Variants in PYM1 observed in about 807,000 individuals in gnomAD.
The protein encoded by PYM1 is partner of Y14 and mago.
A neutral mutation model predicts 20.7 loss-of-function variants in PYM1; 7 were observed. The ratio of observed to expected loss-of-function variants is 0.34; its 90% CI spans 0.19 to 0.64. The LOEUF (loss-of-function observed/expected upper bound fraction) is 0.64, where lower values mean the gene tolerates loss of function less well. Ranked by LOEUF, PYM1 falls within the 30% of genes least tolerant of loss-of-function variation. The pLI, the probability that PYM1 is intolerant of heterozygous loss-of-function variation, is 0.74. For missense variants in PYM1, 194 were observed against 250.0 expected (o/e 0.78, Z 1.51); for synonymous variants, 100 against 99.2 (o/e 1.01, Z -0.05).
At chr12:55,912,883 G>A (rs999780677) in intron 1 of PYM1, among the ~76,000 whole-genome samples, 2 of 150,796 alleles carry the variant, frequency 1.3e-5, no homozygotes, top group Non-Finnish European at 2.9e-5. Flanking sequence ...AGAATCACTT[G>A]AACCCGGGAG....
Position 55,909,193 on chromosome 12 carries a change from G to T in PYM1, c.38-5713C>A, listed in dbSNP as rs374100316. Among the ~76,000 whole-genome samples the T allele has an allele frequency of 7.4e-4, 112 of 151,434 alleles. 1 individual carries two copies. Among genetic ancestry groups the T allele is most frequent in the African/African-American group, 2.6e-3 (106 of 40,954 alleles). On this transcript the variant is annotated intron_variant, in intron 1 of 2. Transcript: ENST00000408946. ...AGCTGTGACAAGAATAAAAACCAAA[G>T]AAAAAAAACTAGGAGGCTTCCTGGA...
rs372943074 is a variant in PYM1, at chr12:55,920,040, T to C, written c.37+7685A>G. Among the ~76,000 whole-genome samples the C allele has an allele frequency of 3.9e-4, 59 of 151,504 alleles. 2 individuals are homozygous for C. In the East Asian group the frequency reaches 4.5e-3, roughly 12 times the overall value. Reference sequence around the variant, plus strand: ...TGGGCAACATAGCTCTATAAAAAAATTCAAAAATTAGCCAGCCATGGTGGC... The same window carrying C: ...TGGGCAACATAGCTCTATAAAAAAACTCAAAAATTAGCCAGCCATGGTGGC... On this transcript the variant is annotated intron_variant, in intron 1 of 2. Transcript: ENST00000408946.
At chr12:55,909,558 T>C (rs1882884371) in intron 1 of PYM1, among the ~76,000 whole-genome samples, 1 of 149,924 alleles carries the variant, frequency 6.7e-6, no homozygotes, top group Non-Finnish European at 1.5e-5. Context: ...GAGTATTTAA[T>C]CTAGCATAAT....
chr12:55,925,836 G>C lies in PYM1; in HGVS notation c.37+1889C>G, dbSNP rs564931709. 4.0e-4 allele frequency among the ~76,000 whole-genome samples: 61 copies of C among 152,332 alleles called. 1 individual carries two copies. Among genetic ancestry groups the C allele is most frequent in the Middle Eastern group, 3.4e-3 (1 of 294 alleles). ...GGTAAAGAAAATGATTAAGAGTAAA[G>C]AGAAGTATACTGGATAAGTAGTATT... On this transcript the variant is annotated intron_variant, in intron 1 of 2. Coordinates refer to ENST00000408946, the MANE Select transcript of PYM1 (RefSeq NM_032345.3).
intron 1 of PYM1, among the ~76,000 whole-genome samples, chr12:55,911,234 G>A (rs1011487601): frequency 3.3e-5 from 5 of 151,990 alleles, no homozygotes; most frequent in Non-Finnish European, 5.9e-5. Context: ...TCAGCCTCCC[G>A]AGTAGCTGGG....
At position 55,927,762 on chromosome 12, in the gene PYM1, G is replaced by A. The variant is rs1883222990; in HGVS notation, c.-1C>T. The stretch of plus-strand genomic sequence containing the variant: ...CCGCAGGGCTGCCGGCAGCTTCCAT[G>A]GCCGAAGAGGCAGCGGACCAGGTTG... On this transcript the variant is annotated 5_prime_UTR_variant, in exon 1 of 3. Coordinates refer to ENST00000408946, the MANE Select transcript of PYM1 (RefSeq NM_032345.3). The A allele has an allele frequency of 1.3e-6, 2 of 1,538,882 alleles. No individual in the cohort carries two copies. The highest frequency in any genetic ancestry group is 1.7e-6 in the Non-Finnish European group (2 of 1,146,322).
chr12:55,910,273 AT>A (rs1882898111), intron 1 of PYM1, among the ~76,000 whole-genome samples: 1 of 140,204 alleles, frequency 7.1e-6, no homozygotes, highest in Non-Finnish European at 1.5e-5. Flanking sequence ...ATATATATAT[AT>A]ATATATATAT....
intron 1 of PYM1, among the ~76,000 whole-genome samples, chr12:55,905,887 T>TA (rs1277214393): frequency 1.4e-5 from 1 of 72,894 alleles, no homozygotes; most frequent in African/African-American, 4.5e-5. Flanking sequence ...TAGATATATA[T>TA]ATTATTATAT....
At chr12:55,903,353 T>A (rs1173012212) in intron 2 of PYM1, 34 bp downstream of exon 2, 1 of 1,587,956 alleles carries the variant, frequency 6.3e-7, no homozygotes, top group South Asian at 1.1e-5. Context: ...AGGGACCCCA[T>A]CAGAAAACCC....
chr12:55,903,326 A>T (rs1045717979), intron 2 of PYM1, 61 bp downstream of exon 2: 11 of 1,468,012 alleles, frequency 7.5e-6, no homozygotes, highest in Non-Finnish European at 1.0e-5. Context: ...AGGCATAAGG[A>T]TATTCTATCC....
intron 1 of PYM1, chr12:55,927,015 C>T (rs1883204522): frequency 2.7e-6 from 4 of 1,464,332 alleles, no homozygotes; most frequent in Non-Finnish European, 3.6e-6. Flanking sequence ...GACCCCTTTC[C>T]AAGTCCGAAC....
intron 1 of PYM1, among the ~76,000 whole-genome samples, chr12:55,918,762 G>T (rs1883050496): frequency 6.6e-6 from 1 of 152,122 alleles, no homozygotes; most frequent in Admixed American, 6.6e-5. Flanking sequence ...CAGCTACTTG[G>T]GAGGCTGAGA....
chr12:55,908,995 G>A (rs1882874063), intron 1 of PYM1, among the ~76,000 whole-genome samples: 1 of 152,192 alleles, frequency 6.6e-6, no homozygotes, highest in Non-Finnish European at 1.5e-5. Flanking sequence ...ATGGGCGTGA[G>A]TAGGGAACAG....
chr12:55,902,194 C>A lies in PYM1; in HGVS notation c.293G>T (p.Arg98Leu). ...KRNLKRKEKR[R>L]QQQEKGEAEA... ...TGCCTCTCCTTTCTCTTGCTGCTGC[C>A]GCCTCTTCTCCTTTCGCTTCAGGTT... The change falls in exon 3 of 3, where the codon CGG becomes CTG. Residue 98 changes from arginine to leucine, a missense_variant. Arg to Leu is a moderately radical substitution (Grantham distance 102). This residue lies in a region of PYM1 where 158 missense variants were observed against 179.0 expected (regional missense o/e 0.88). Coordinates refer to ENST00000408946, the MANE Select transcript of PYM1 (RefSeq NM_032345.3). The A allele has an allele frequency of 1.2e-6, 2 of 1,614,088 alleles. No individual in the cohort carries two copies. The highest frequency in any genetic ancestry group is 8.5e-7 in the Non-Finnish European group (1 of 1,180,030).
In PYM1 at chr12:55,902,100, C is replaced by G; in HGVS notation, c.387G>C (p.Gln129His). The stretch of plus-strand genomic sequence containing the variant: ...CAGCTGTGGGGGCTGCCCGAGAGCC[C>G]TGTGGAGCACTGGGGAGTTGGGCTG... ...EETAQLPSAP[Q>H]GSRAAPTAAS... The change falls in exon 3 of 3, where the codon CAG (glutamine) becomes CAC (histidine). Residue 129 changes from glutamine (Q) to histidine (H), a missense_variant. Coordinates refer to ENST00000408946, the MANE Select transcript of PYM1 (RefSeq NM_032345.3). 2 of 1,614,154 alleles carry G rather than the reference C, an allele frequency of 1.2e-6. No individual in the cohort carries two copies. The highest frequency in any genetic ancestry group is 1.7e-6 in the Non-Finnish European group (2 of 1,180,028).
intron 1 of PYM1, among the ~76,000 whole-genome samples, chr12:55,911,580 C>G (rs959731378): frequency 3.9e-5 from 6 of 152,098 alleles, no homozygotes; most frequent in Non-Finnish European, 8.8e-5. Context: ...GTGGCTCACG[C>G]CTGTAATCAC....
rs141243923 is a variant in PYM1, at chr12:55,907,933, G to A, written c.38-4453C>T. 1.8e-4 allele frequency among the ~76,000 whole-genome samples: 27 copies of A among 148,632 alleles called. 1 individual carries two copies. Among genetic ancestry groups the A allele is most frequent in the South Asian group, 8.6e-4 (4 of 4,660 alleles). On this transcript the variant is annotated intron_variant, in intron 1 of 2. Coordinates refer to ENST00000408946, the MANE Select transcript of PYM1 (RefSeq NM_032345.3). ...AACCTGGGCAACAGAGCGAGACTCC[G>A]TCTCAAAAAAATAAAAAATAAAAAA...
intron 1 of PYM1, among the ~76,000 whole-genome samples, chr12:55,913,071 C>T (rs1882952434): frequency 6.6e-6 from 1 of 152,158 alleles, no homozygotes; most frequent in African/African-American, 2.4e-5. Flanking sequence ...CTGGAATAGA[C>T]TATATTTGCT....
intron 1 of PYM1, among the ~76,000 whole-genome samples, chr12:55,911,007 C>T (rs967065493): frequency 1.3e-5 from 2 of 152,188 alleles, no homozygotes; most frequent in African/African-American, 4.8e-5. Flanking sequence ...ACAAACGTTT[C>T]CTATTCAGTT....
Sources: allele counts gnomAD v4.1 joint callset (sites outside exome capture counted in the v4.1 genomes callset), GRCh38; gene constraint gnomAD v4.1.1; regional missense constraint gnomAD v4.1.1; transcripts MANE v1.5; gene names NCBI Gene and HGNC (gene_info 2026-07-23, HGNC 2026-07-21).